Variants in ASB2 observed in about 807,000 individuals in gnomAD.
ASB2 encodes the protein ankyrin repeat and SOCS box protein 2.
A neutral mutation model predicts 62.4 loss-of-function variants in ASB2; 58 were observed. That is an observed-to-expected ratio of 0.93 (90% CI 0.75 to 1.16). ASB2 has a LOEUF of 1.16. Among genes scored for constraint, ASB2 ranks in the 50% most tolerant of loss-of-function variants. ASB2 has a pLI of 0.00. For synonymous variants in ASB2, 386 were observed against 385.3 expected (o/e 1.00, Z -0.02); for missense variants, 928 against 887.9 (o/e 1.05, Z -0.57).
intron 4 of ASB2, 137 bp downstream of exon 4, chr14:93,954,180 A>G (rs906551675): frequency 1.4e-6 from 1 of 730,098 alleles, no homozygotes; most frequent in Non-Finnish European, 2.3e-6. Context: ...TCCATGACTA[A>G]CTGACAAATG....
rs1340934157 is a variant in ASB2, at chr14:93,960,984, T to TAAATAAACAAAC, written c.206+3349_206+3350insGTTTGTTTATTT. Among the ~76,000 whole-genome samples the TAAATAAACAAAC allele has an allele frequency of 1.2e-3, 178 of 150,860 alleles. 4 individuals carry two copies. In the Middle Eastern group the frequency reaches 0.017, roughly 15 times the overall value. On this transcript the variant is annotated intron_variant, in intron 2 of 9. Coordinates refer to ENST00000555019, the MANE Select transcript of ASB2 (RefSeq NM_001202429.2). ...ATAAATAAATAAATAAATAAATAAATAAACAGTATCAGCTCAGCTCTCTGT... is the reference window on the plus strand; with the variant it reads ...ATAAATAAATAAATAAATAAATAAATAAATAAACAAACAAACAGTATCAGCTCAGCTCTCTGT...
chr14:93,948,019 G>T (rs199726730), intron 6 of ASB2, among the ~76,000 whole-genome samples: 1 of 55,220 alleles, frequency 1.8e-5, no homozygotes. Flanking sequence ...AAAAAAAAAA[G>T]ACCCAGGGGC....
intron 1 of ASB2, among the ~76,000 whole-genome samples, chr14:93,969,390 G>C (rs190795762): frequency 3.9e-5 from 6 of 152,342 alleles, no homozygotes; most frequent in Admixed American, 2.0e-4. Context: ...TTAGCCGGGA[G>C]AGCCTCTGGA....
intron 3 of ASB2, 72 bp from the exon 4 acceptor site, chr14:93,954,555 G>T: frequency 7.1e-7 from 1 of 1,405,810 alleles, no homozygotes. Flanking sequence ...TCTCTCAGGA[G>T]TGCTGGCAGT....
intron 2 of ASB2, among the ~76,000 whole-genome samples, chr14:93,957,732 A>C (rs1205455567): frequency 6.6e-6 from 1 of 152,094 alleles, no homozygotes; most frequent in African/African-American, 2.4e-5. Flanking sequence ...TTCCCGACCC[A>C]CCAGGCTCCT....
Position 93,953,351 on chromosome 14 carries a change from C to A in ASB2, c.634+1G>T. Reference sequence around the variant, plus strand: ...AGCTCACTCCGGGGTGGGGACCTCACCTTTGTAGAGCGGTGTCTCTCGGGA... The same window carrying A: ...AGCTCACTCCGGGGTGGGGACCTCAACTTTGTAGAGCGGTGTCTCTCGGGA... On this transcript the variant is annotated splice_donor_variant, in intron 5 of 9. Coordinates refer to ENST00000555019, the MANE Select transcript of ASB2 (RefSeq NM_001202429.2). LOFTEE classifies it high-confidence loss of function. 1 of 1,575,644 alleles carries A rather than the reference C, an allele frequency of 6.3e-7. No individual in the cohort carries two copies. The highest frequency in any genetic ancestry group is 8.7e-7 in the Non-Finnish European group (1 of 1,151,432).
chr14:93,935,390 G>A lies in ASB2; in HGVS notation c.1772-598C>T, dbSNP rs375458989. Among the ~76,000 whole-genome samples, 33 of 152,034 alleles carry A rather than the reference G, an allele frequency of 2.2e-4. 1 individual carries two copies. In the Middle Eastern group the frequency reaches 0.01, roughly 47 times the overall value. On this transcript the variant is annotated intron_variant, in intron 9 of 9. Coordinates refer to ENST00000555019, the MANE Select transcript of ASB2 (RefSeq NM_001202429.2). ...AGCAGGGATGAACGCATCCAGTAAC[G>A]GAGTAATTAAAGGGCTTGTAGAATC...
chr14:93,975,654 C>A (rs1177828125), intron 1 of ASB2, among the ~76,000 whole-genome samples: 4 of 152,202 alleles, frequency 2.6e-5, no homozygotes, highest in Non-Finnish European at 4.4e-5. Context: ...TAGCCTCACC[C>A]CCATTTTTCA....
intron 2 of ASB2, among the ~76,000 whole-genome samples, chr14:93,962,271 C>T (rs996536656): frequency 2.6e-5 from 4 of 151,740 alleles, no homozygotes; most frequent in Non-Finnish European, 4.4e-5. Flanking sequence ...CCCGCCACTA[C>T]GCCCGGCTAA....
At chr14:93,956,191 C>T (rs1403745288) in intron 3 of ASB2, among the ~76,000 whole-genome samples, 5 of 152,186 alleles carry the variant, frequency 3.3e-5, no homozygotes, top group Admixed American at 2.6e-4. Context: ...CTAAGGAGCG[C>T]ATTAGCCCTG....
At chr14:93,976,402 A>T (rs1160652965) in intron 1 of ASB2, 32 bp downstream of exon 1, 1 of 152,212 alleles carries the variant, frequency 6.6e-6, no homozygotes, top group Non-Finnish European at 1.5e-5. Flanking sequence ...CTTTTGCAAG[A>T]TCTGTATAAG....
intron 5 of ASB2, among the ~76,000 whole-genome samples, chr14:93,952,411 G>A (rs527800313): frequency 1.3e-4 from 20 of 152,328 alleles, no homozygotes; most frequent in African/African-American, 4.3e-4. Context: ...GGTCTGCAGC[G>A]GATCCAGTGA....
At chr14:93,936,556 G>A (rs1273931846) in intron 9 of ASB2, among the ~76,000 whole-genome samples, 2 of 152,214 alleles carry the variant, frequency 1.3e-5, no homozygotes, top group African/African-American at 2.4e-5. Flanking sequence ...GCAAGCTGAC[G>A]CCTCCCTCCT....
Position 93,953,433 on chromosome 14 carries a change from G to C in ASB2, c.553C>G (p.Leu185Val), listed in dbSNP as rs780403166. ...TGGAGCAGTGACAGGAGACAGTCCA[G>C]GTGGCCCCTGCACGTTGCCAAGTAA... Reference protein sequence around the residue: ...AVYLATCRGHLDCLLSLLQAG... With the variant: ...AVYLATCRGHVDCLLSLLQAG... The change falls in exon 5 of 10, where the codon CTG becomes GTG. Residue 185 changes from leucine (L) to valine (V), a missense_variant. Physicochemically the swap from Leu to Val is conservative, Grantham distance 32. Coordinates refer to ENST00000555019, the MANE Select transcript of ASB2 (RefSeq NM_001202429.2). 2.5e-6 allele frequency: 4 copies of C among 1,609,728 alleles called. No homozygotes were observed. In the Admixed American group the frequency reaches 5.0e-5, roughly 20 times the overall value.
intron 4 of ASB2, among the ~76,000 whole-genome samples, chr14:93,953,766 C>G (rs1166162505): frequency 6.6e-6 from 1 of 151,014 alleles, no homozygotes; most frequent in Non-Finnish European, 1.5e-5. Flanking sequence ...CTGTCCTTTC[C>G]TCGAACTCAC....
At chr14:93,968,570 C>A (rs570193163) in intron 1 of ASB2, among the ~76,000 whole-genome samples, 1 of 152,330 alleles carries the variant, frequency 6.6e-6, no homozygotes, top group Admixed American at 6.5e-5. Context: ...CAGATCTGTC[C>A]TCATCCAGCT....
At chr14:93,951,783 G>A (rs527916038) in intron 5 of ASB2, among the ~76,000 whole-genome samples, 13 of 152,280 alleles carry the variant, frequency 8.5e-5, no homozygotes, top group African/African-American at 2.9e-4. Context: ...AGGAGTCAGC[G>A]GTGTCATAAT....
rs1244308012 is a variant in ASB2 at position 93,934,401 on chromosome 14, T to C, written c.*255A>G. 2.0e-6 allele frequency: 1 copy of C among 499,118 alleles called. No individual in the cohort carries two copies. The highest frequency in any genetic ancestry group is 3.3e-5 in the Admixed American group (1 of 30,640). 30.9% of individuals were successfully genotyped at this position (499,118 alleles called of 1,614,324 possible). A position where few individuals can be genotyped will look rare whatever the true frequency, so the allele number is the denominator to read the frequency against. On this transcript the variant is annotated 3_prime_UTR_variant, in exon 10 of 10. Coordinates refer to ENST00000555019, the MANE Select transcript of ASB2 (RefSeq NM_001202429.2). ...CAGGAATAGAGGTTTCTGCCATTCC[T>C]GAAGGTAGAGAAGGTCTGGGATCTG...
chr14:93,956,907 T>C, intron 2 of ASB2, 37 bp from the exon 3 acceptor site: 2 of 1,613,672 alleles, frequency 1.2e-6, no homozygotes, highest in Non-Finnish European at 1.7e-6. Flanking sequence ...GAGGGAAAAG[T>C]ACTCTGCATA....
Sources: allele counts gnomAD v4.1 joint callset (sites outside exome capture counted in the v4.1 genomes callset), GRCh38; gene constraint gnomAD v4.1.1; transcripts MANE v1.5; gene names NCBI Gene and HGNC (gene_info 2026-07-23, HGNC 2026-07-21).